The following TRMT1L variants were observed in gnomAD, a reference collection of about 807,000 sequenced individuals.
TRMT1L encodes the protein tRNA methyltransferase 1L.
TRMT1L carries 28 observed loss-of-function variants against 81.6 expected under a neutral mutation model. The ratio of observed to expected loss-of-function variants is 0.34; its 90% CI spans 0.25 to 0.47. TRMT1L has a LOEUF of 0.47. TRMT1L is among the 20% of genes least tolerant of loss of function. The pLI is 1.00. For missense variants in TRMT1L, 739 were observed against 877.1 expected, an observed-to-expected ratio of 0.84 and a Z score of 1.99; for synonymous variants, 301 against 303.2, an observed-to-expected ratio of 0.99 and a Z score of 0.07.
Position 185,141,722 on chromosome 1 carries a change from G to A in TRMT1L, c.860-1500C>T, listed in dbSNP as rs149869288. ...CTGTCTCAAAAGAGTAAAGAAAAAC[G>A]GTGTATGGTGAAGAATACTGAGAAA... is the stretch of plus-strand genomic sequence containing the variant. On this transcript the variant is annotated intron_variant, in intron 7 of 14. Transcript: ENST00000367506. 1.2e-3 allele frequency among the ~76,000 whole-genome samples: 181 copies of A among 152,168 alleles called. No homozygotes were observed. In the East Asian group the frequency reaches 0.024, roughly 20 times the overall value.
chr1:185,120,339 A>G, intron 14 of TRMT1L, 44 bp downstream of exon 14: 1 of 1,450,196 alleles, frequency 6.9e-7, no homozygotes, highest in Non-Finnish European at 9.1e-7. Flanking sequence ...CAATATTATT[A>G]AAATATAAAA....
At chr1:185,145,399 G>T in intron 5 of TRMT1L, 40 bp downstream of exon 5, 1 of 1,562,072 alleles carries the variant, frequency 6.4e-7, no homozygotes, top group Non-Finnish European at 8.8e-7. Context: ...ATTATTTAAG[G>T]ATTTACATAT....
At chr1:185,153,174 G>A (rs759217877) in intron 1 of TRMT1L, among the ~76,000 whole-genome samples, 8 of 152,018 alleles carry the variant, frequency 5.3e-5, no homozygotes, top group Non-Finnish European at 8.8e-5. Flanking sequence ...GCATTTTCAG[G>A]TTTCTCAAGC....
chr1:185,156,407 CCT>C, intron 1 of TRMT1L, 69 bp downstream of exon 1: 2 of 1,612,682 alleles, frequency 1.2e-6, no homozygotes, highest in Non-Finnish European at 1.7e-6. Flanking sequence ...CGGTGAAGGG[CCT>C]CCCCTACTTC....
At chr1:185,148,173 A>G (rs1653238601) in intron 3 of TRMT1L, among the ~76,000 whole-genome samples, 1 of 152,104 alleles carries the variant, frequency 6.6e-6, no homozygotes, top group Non-Finnish European at 1.5e-5. Flanking sequence ...TTTAAATACC[A>G]TGTGTCTTCT....
chr1:185,138,514 T>C (rs1032242989), intron 9 of TRMT1L, among the ~76,000 whole-genome samples: 2 of 152,196 alleles, frequency 1.3e-5, no homozygotes, highest in African/African-American at 4.8e-5. Flanking sequence ...GAAACTAGTA[T>C]TGGGGCTGGC....
chr1:185,147,361 ATAAT>A (rs1653216719), intron 3 of TRMT1L, 115 bp from the exon 4 acceptor site: 2 of 726,796 alleles, frequency 2.8e-6, no homozygotes, highest in Middle Eastern at 3.3e-4. Flanking sequence ...TTGTAATGTC[ATAAT>A]TACTCAAATG....
At chr1:185,156,192 A>T (rs1653546779) in intron 1 of TRMT1L, among the ~76,000 whole-genome samples, 1 of 152,210 alleles carries the variant, frequency 6.6e-6, no homozygotes, top group Non-Finnish European at 1.5e-5. Context: ...TACCTTAAAA[A>T]GACTCCCTTT....
intron 1 of TRMT1L, among the ~76,000 whole-genome samples, chr1:185,153,624 G>GT (rs1418258138): frequency 2.6e-5 from 4 of 152,084 alleles, no homozygotes; most frequent in African/African-American, 9.7e-5. Flanking sequence ...TTTTTGAGAA[G>GT]TTTGACGGTA....
chr1:185,132,574 C>G (rs200562044), intron 10 of TRMT1L, among the ~76,000 whole-genome samples: 2 of 150,912 alleles, frequency 1.3e-5, no homozygotes, highest in Non-Finnish European at 3.0e-5. Flanking sequence ...AAATAGAACT[C>G]AGAGATTATC....
chr1:185,123,264 CTTCTT>C (rs5779241), intron 13 of TRMT1L, among the ~76,000 whole-genome samples: 1,738 of 152,272 alleles, frequency 0.011, 32 homozygotes, highest in African/African-American at 0.038. Context: ...ACTCTACAGT[CTTCTT>C]TTCATCTGTA....
At chr1:185,137,535 T>A (rs544480741) in intron 10 of TRMT1L, 71 bp downstream of exon 10, 1 of 1,398,102 alleles carries the variant, frequency 7.2e-7, no homozygotes, top group East Asian at 2.3e-5. Flanking sequence ...ACAATATGTA[T>A]AATTAGGTAT....
intron 1 of TRMT1L, among the ~76,000 whole-genome samples, chr1:185,153,468 A>C (rs1653416294): frequency 6.6e-6 from 1 of 152,214 alleles, no homozygotes; most frequent in African/African-American, 2.4e-5. Flanking sequence ...TATAAACGCA[A>C]AACGTTCAAC....
intron 11 of TRMT1L, among the ~76,000 whole-genome samples, chr1:185,126,987 AT>A (rs1469766788): frequency 6.6e-5 from 10 of 152,216 alleles, no homozygotes; most frequent in African/African-American, 2.4e-4. Flanking sequence ...ACAAAGTGGG[AT>A]TCTGCCTCAA....
At position 185,145,174 on chromosome 1, in the gene TRMT1L, A is replaced by G. The variant is rs112133394; in HGVS notation, c.655+265T>C. On this transcript the variant is annotated intron_variant, in intron 5 of 14. Coordinates refer to ENST00000367506, the MANE Select transcript of TRMT1L (RefSeq NM_030934.5). ...TGTAAAAGCTGTCACTGGGAAAACA[A>G]TTCTATAATCTTTCATTAAAATACC... 9.1e-3 allele frequency among the ~76,000 whole-genome samples: 1,377 copies of G among 151,984 alleles called. 17 individuals carry two copies. Among genetic ancestry groups the G allele is most frequent in the African/African-American group, 0.032 (1,312 of 41,536 alleles).
chr1:185,156,682 G>T lies in TRMT1L; in HGVS notation c.31C>A (p.Pro11Thr). 6.2e-7 allele frequency: 1 copy of T among 1,612,384 alleles called. No homozygotes were observed. Among genetic ancestry groups the T allele is most frequent in the Middle Eastern group, 1.7e-4 (1 of 6,060 alleles). Residue 11 changes from proline (P) to threonine (T), a missense_variant, in exon 1 of 15, where the codon CCC becomes ACC. Pro to Thr is a conservative substitution (Grantham distance 38). Coordinates refer to ENST00000367506, the MANE Select transcript of TRMT1L (RefSeq NM_030934.5). Reference protein sequence around the residue: MENMAEEELLPLEKEEVEVAQ... With the variant: MENMAEEELLTLEKEEVEVAQ... Reference sequence around the variant, plus strand: ...ACCTCCACCTCCTCCTTCTCCAGGGGCAGCAGCTCCTCCTCCGCCATATTC... The same window carrying T: ...ACCTCCACCTCCTCCTTCTCCAGGGTCAGCAGCTCCTCCTCCGCCATATTC...
intron 10 of TRMT1L, among the ~76,000 whole-genome samples, chr1:185,136,872 C>A (rs726335): frequency 0.023 from 3,539 of 152,136 alleles, 63 homozygotes; most frequent in Non-Finnish European, 0.035. Context: ...GAAAGGTGTA[C>A]TATTCAATAC....
At position 185,135,035 on chromosome 1, in the gene TRMT1L, T is replaced by C. The variant is rs147170021; in HGVS notation, c.1513+2571A>G. Reference sequence around the variant, plus strand: ...AGGGAGCTAATTATCTCAGTTGTGGTATCAAGGAGCCAAAGTATATTACTT... The same window carrying C: ...AGGGAGCTAATTATCTCAGTTGTGGCATCAAGGAGCCAAAGTATATTACTT... On this transcript the variant is annotated intron_variant, in intron 10 of 14. Coordinates refer to ENST00000367506, the MANE Select transcript of TRMT1L (RefSeq NM_030934.5). Among the ~76,000 whole-genome samples, 41 of 152,286 alleles carry C rather than the reference T, an allele frequency of 2.7e-4. No individual in the cohort carries two copies. In the East Asian group the frequency reaches 6.7e-3, roughly 25 times the overall value.
chr1:185,124,683 G>A (rs1344008333), intron 12 of TRMT1L, among the ~76,000 whole-genome samples: 1 of 150,982 alleles, frequency 6.6e-6, no homozygotes, highest in Non-Finnish European at 1.5e-5. Flanking sequence ...GTGAAAAAGT[G>A]AGACCCAGTA....
Sources: gnomAD v4.1 joint callset for allele counts (sites outside exome capture counted in the v4.1 genomes callset) on GRCh38, gnomAD v4.1.1 for gene constraint, MANE v1.5 for transcripts, NCBI Gene and HGNC (gene_info 2026-07-23, HGNC 2026-07-21) for gene names.